MAGI2: variants seen among roughly 807,000 people sequenced by gnomAD.
MAGI2 encodes membrane associated guanylate kinase, WW and PDZ domain containing 2, also known as membrane-associated guanylate kinase, WW and PDZ domain-containing protein 2.
In MAGI2, 35 loss-of-function variants were observed where a neutral mutation model predicts 133.3. That is an observed-to-expected ratio of 0.26 (90% confidence interval 0.20 to 0.35). The LOEUF (loss-of-function observed/expected upper bound fraction) is 0.35. Ranked by LOEUF, MAGI2 falls within the 10% of genes least tolerant of loss-of-function variation. The pLI is 1.00. For missense variants in MAGI2, 1,636 were observed against 1,863.4 expected (o/e 0.88, Z 2.25); for synonymous variants, 729 against 710.6 (o/e 1.03, Z -0.41).
chr7:78,746,242 G>C (rs1164404256), intron 2 of MAGI2, among the ~76,000 whole-genome samples: 1 of 152,186 alleles, frequency 6.6e-6, no homozygotes. Flanking sequence ...TGAAGAGCCA[G>C]CTCTCAGGCA....
intron 2 of MAGI2, among the ~76,000 whole-genome samples, chr7:78,641,686 T>G (rs764664605): frequency 6.6e-6 from 1 of 152,154 alleles, no homozygotes; most frequent in Non-Finnish European, 1.5e-5. Flanking sequence ...TAACATTTCA[T>G]GTGTCAATTT....
intron 1 of MAGI2, among the ~76,000 whole-genome samples, chr7:79,184,940 A>G (rs1218728190): frequency 2.0e-5 from 3 of 151,778 alleles, no homozygotes; most frequent in African/African-American, 7.3e-5. Context: ...ATGGCAACAC[A>G]ATTAATGGCA....
intron 9 of MAGI2, among the ~76,000 whole-genome samples, chr7:78,303,467 ATAATAGTTATCATCATCTCTCT>A (rs1403972750): frequency 6.6e-6 from 1 of 151,800 alleles, no homozygotes; most frequent in African/African-American, 2.4e-5. Context: ...CATGCTCAAA[ATAATAGTTATCATCATCTCTCT>A]GCATGCTCCC....
chr7:78,255,167 C>T (rs1413347612), intron 10 of MAGI2: 1 of 152,396 alleles, frequency 6.6e-6, no homozygotes, highest in Non-Finnish European at 1.5e-5. Context: ...AGAAGGGGCC[C>T]TGTGCTTTAC....
chr7:78,578,838 A>T (rs1802540478), intron 3 of MAGI2, among the ~76,000 whole-genome samples: 1 of 152,198 alleles, frequency 6.6e-6, no homozygotes, highest in African/African-American at 2.4e-5. Context: ...CTGATGCCTG[A>T]ACAAAGCAAA....
rs1018432118 is a variant in MAGI2 at position 78,833,838 on chromosome 7, T to C, written c.418+173252A>G. Among the ~76,000 whole-genome samples, 26 of 152,176 alleles carry C rather than the reference T, an allele frequency of 1.7e-4. 1 individual carries two copies. Among genetic ancestry groups the C allele is most frequent in the Admixed American group, 6.5e-5 (1 of 15,272 alleles). ...CTTCCTATCCAGTCTGAAATGGAAG[T>C]TTTTGAGAACAAAGTGATCACTTCT... On this transcript the variant is annotated intron_variant, in intron 2 of 21. Coordinates refer to ENST00000354212, the MANE Select transcript of MAGI2 (RefSeq NM_012301.4).
At chr7:79,117,596 A>G (rs976845916) in intron 1 of MAGI2, among the ~76,000 whole-genome samples, 24 of 152,204 alleles carry the variant, frequency 1.6e-4, no homozygotes, top group African/African-American at 5.8e-4. Flanking sequence ...TAATTGCTAG[A>G]AACAGCATCT....
rs1286713601 is a variant in MAGI2 at position 79,437,126 on chromosome 7, TA to T, written c.301+15893del. Among the ~76,000 whole-genome samples, 4 of 152,082 alleles carry T rather than the reference TA, an allele frequency of 2.6e-5. No homozygotes were observed. In the East Asian group the frequency reaches 5.8e-4, roughly 22 times the overall value. The stretch of plus-strand genomic sequence containing the variant: ...ACCAAATACCACATATTATCACTTA[TA>T]AGTGGAAGCTAAACATTGGTACACA... On this transcript the variant is annotated intron_variant, in intron 1 of 21. Transcript: ENST00000354212.
At chr7:79,323,643 T>C (rs1174226353) in intron 1 of MAGI2, among the ~76,000 whole-genome samples, 1 of 152,014 alleles carries the variant, frequency 6.6e-6, no homozygotes. Context: ...CTGAAGGATA[T>C]AAATGGGAAA....
Position 79,106,585 on chromosome 7 carries a change from A to G in MAGI2, c.302-99379T>C, listed in dbSNP as rs1026944315. Among the ~76,000 whole-genome samples the G allele has an allele frequency of 3.3e-5, 5 of 152,210 alleles. No individual in the cohort carries two copies. The South Asian group carries it at 1.0e-3, about 31-fold the overall frequency. On this transcript the variant is annotated intron_variant, in intron 1 of 21. Transcript: ENST00000354212. The stretch of plus-strand genomic sequence containing the variant: ...ATATTGTTGAATGGAAACAATTCCT[A>G]CTAAGAGTCTTACAAACAGTAGCAA...
chr7:78,059,777 A>ATATTTTT (rs368179491), intron 21 of MAGI2, among the ~76,000 whole-genome samples: 5,643 of 145,980 alleles, frequency 0.039, 140 homozygotes, highest in African/African-American at 0.067. Flanking sequence ...ATATATATAT[A>ATATTTTT]TTTTTTTTCT....
intron 1 of MAGI2, among the ~76,000 whole-genome samples, chr7:79,246,740 C>T (rs1071038): frequency 0.16 from 23,638 of 152,008 alleles, 1,925 homozygotes; most frequent in South Asian, 0.27. Context: ...GTTTGTTCAA[C>T]GGAATAATAA....
chr7:78,921,191 T>A (rs1799195110), intron 2 of MAGI2, among the ~76,000 whole-genome samples: 1 of 152,152 alleles, frequency 6.6e-6, no homozygotes. Flanking sequence ...GGAGGATCAC[T>A]GGAAAGAGGC....
At chr7:78,428,229 G>C (rs552603469) in intron 6 of MAGI2, among the ~76,000 whole-genome samples, 1 of 152,308 alleles carries the variant, frequency 6.6e-6, no homozygotes, top group African/African-American at 2.4e-5. Context: ...AAGGGTAAGA[G>C]ATAGTAGAAG....
intron 1 of MAGI2, among the ~76,000 whole-genome samples, chr7:79,154,375 G>T (rs1406463987): frequency 6.6e-6 from 1 of 152,104 alleles, no homozygotes; most frequent in African/African-American, 2.4e-5. Flanking sequence ...GTTGAAAAAT[G>T]TTATTTTATT....
intron 10 of MAGI2, among the ~76,000 whole-genome samples, chr7:78,231,475 A>T (rs1789966907): frequency 6.6e-6 from 1 of 152,230 alleles, no homozygotes; most frequent in African/African-American, 2.4e-5. Context: ...ACGAAAAACA[A>T]ATTCCATTCA....
At chr7:78,609,618 G>T (rs1308784608) in intron 3 of MAGI2, among the ~76,000 whole-genome samples, 1 of 152,194 alleles carries the variant, frequency 6.6e-6, no homozygotes. Flanking sequence ...GGTCATAGCT[G>T]TTATTGATGA....
chr7:78,821,218 C>T (rs891234744), intron 2 of MAGI2, among the ~76,000 whole-genome samples: 3 of 151,982 alleles, frequency 2.0e-5, no homozygotes, highest in African/African-American at 7.2e-5. Context: ...AGATATGTTA[C>T]GAAGAGTATC....
intron 2 of MAGI2, among the ~76,000 whole-genome samples, chr7:78,903,104 C>T (rs1352224869): frequency 7.2e-6 from 1 of 139,844 alleles, no homozygotes; most frequent in Non-Finnish European, 1.5e-5. Context: ...TTTTCTAAAA[C>T]ATATGAACAT....
Sources: allele counts gnomAD v4.1 joint callset (sites outside exome capture counted in the v4.1 genomes callset), GRCh38; gene constraint gnomAD v4.1.1; transcripts MANE v1.5; gene names NCBI Gene and HGNC (gene_info 2026-07-23, HGNC 2026-07-21).